TRPM1: variants seen among roughly 807,000 people sequenced by gnomAD.
TRPM1 encodes the protein TRPM1-203 APA Isoform, Intron 10.
In TRPM1, 113 loss-of-function variants were observed where a neutral mutation model predicts 149.4. The observed-to-expected ratio is 0.76, with a 90% CI of 0.65 to 0.88. TRPM1 has a LOEUF of 0.88. Among genes scored for constraint, TRPM1 ranks in the 40% least tolerant of loss-of-function variants. TRPM1 has a pLI of 0.00. For missense variants in TRPM1, 1,976 were observed against 2,038.7 expected, an observed-to-expected ratio of 0.97 and a Z score of 0.59; for synonymous variants, 741 against 759.5, an observed-to-expected ratio of 0.98 and a Z score of 0.40.
intron 1 of TRPM1, among the ~76,000 whole-genome samples, chr15:31,153,786 G>A (rs964759277): frequency 3.9e-5 from 6 of 152,210 alleles, no homozygotes; most frequent in African/African-American, 1.4e-4. Flanking sequence ...GAGCTCCTGA[G>A]CCTGTGTCAC....
chr15:31,066,264 C>T lies in TRPM1; in HGVS notation c.619-17G>A, dbSNP rs764833755. On this transcript the variant is annotated splice_polypyrimidine_tract_variant and intron_variant, in intron 6 of 27. Coordinates refer to ENST00000256552, the MANE Select transcript of TRPM1 (RefSeq NM_001252024.2). Reference sequence around the variant, plus strand: ...TCTTGTTACCTGACAAAGTGCACAGCGCAAATCAGACCTGCAGGACTTGGA... The same window carrying T: ...TCTTGTTACCTGACAAAGTGCACAGTGCAAATCAGACCTGCAGGACTTGGA... The T allele has an allele frequency of 4.3e-6, 7 of 1,613,956 alleles. No individual in the cohort carries two copies. The highest frequency in any genetic ancestry group is 2.7e-5 in the African/African-American group (2 of 74,908).
At chr15:31,008,288 C>T (rs2032065911) in intron 27 of TRPM1, among the ~76,000 whole-genome samples, 1 of 152,170 alleles carries the variant, frequency 6.6e-6, no homozygotes, top group African/African-American at 2.4e-5. Context: ...AGAAAGCAGT[C>T]TGTCTTTCAC....
At chr15:31,011,743 C>T (rs1035493032) in intron 27 of TRPM1, among the ~76,000 whole-genome samples, 1 of 151,238 alleles carries the variant, frequency 6.6e-6, no homozygotes, top group African/African-American at 2.4e-5. Flanking sequence ...CAGCTCACTG[C>T]AACCTCTGCC....
intron 18 of TRPM1, among the ~76,000 whole-genome samples, chr15:31,038,991 C>CTTTT (rs1175210129): frequency 3.0e-5 from 4 of 131,468 alleles, no homozygotes; most frequent in African/African-American, 5.6e-5. Context: ...CATGCTTCCC[C>CTTTT]TTTTTTTTTT....
At chr15:31,125,114 G>T (rs1047335342) in intron 1 of TRPM1, among the ~76,000 whole-genome samples, 8 of 152,088 alleles carry the variant, frequency 5.3e-5, no homozygotes, top group African/African-American at 1.9e-4. Context: ...GGCGGAGGAG[G>T]TTGCAGTGAA....
intron 1 of TRPM1, among the ~76,000 whole-genome samples, chr15:31,155,344 C>T (rs1437758669): frequency 6.6e-6 from 1 of 152,164 alleles, no homozygotes; most frequent in Non-Finnish European, 1.5e-5. Context: ...GTGAAGGAGG[C>T]TCCTGCCTGC....
At chr15:31,035,751 A>G (rs1235874589) in intron 20 of TRPM1, 77 bp from the exon 21 acceptor site, 11 of 1,596,374 alleles carry the variant, frequency 6.9e-6, no homozygotes, top group Non-Finnish European at 9.4e-6. Context: ...GTTTTCTTTC[A>G]GGTTGACACA....
chr15:31,114,226 G>A (rs1286452401), intron 1 of TRPM1, among the ~76,000 whole-genome samples: 1 of 152,164 alleles, frequency 6.6e-6, no homozygotes, highest in African/African-American at 2.4e-5. Flanking sequence ...GTGTCCAAGT[G>A]TTCTCATCAT....
intron 2 of TRPM1, among the ~76,000 whole-genome samples, chr15:31,080,183 T>C (rs1311471720): frequency 1.3e-5 from 2 of 152,192 alleles, no homozygotes; most frequent in Non-Finnish European, 2.9e-5. Flanking sequence ...ACAATCACCA[T>C]TTGGCAACCA....
intron 27 of TRPM1, among the ~76,000 whole-genome samples, chr15:31,020,840 G>A (rs946363264): frequency 2.3e-4 from 35 of 152,168 alleles, no homozygotes; most frequent in Admixed American, 9.2e-4. Flanking sequence ...GGCTTAGCGC[G>A]CAGGCTAAAC....
chr15:31,144,220 A>G (rs1388199450), intron 1 of TRPM1, among the ~76,000 whole-genome samples: 4 of 152,138 alleles, frequency 2.6e-5, no homozygotes, highest in Non-Finnish European at 5.9e-5. Flanking sequence ...TGAGCCAATC[A>G]CTTGAACCCA....
chr15:31,044,694 T>C (rs2033714709), intron 16 of TRPM1, among the ~76,000 whole-genome samples: 1 of 150,618 alleles, frequency 6.6e-6, no homozygotes, highest in Non-Finnish European at 1.5e-5. Context: ...GACAGGAGAA[T>C]TGCTTGAACC....
intron 27 of TRPM1, among the ~76,000 whole-genome samples, chr15:31,010,283 G>A (rs879334757): frequency 2.0e-5 from 3 of 152,198 alleles, no homozygotes; most frequent in Non-Finnish European, 4.4e-5. Context: ...AGTCTTTGTA[G>A]TGCTATTGAG....
chr15:31,067,040 A>G (rs1282235947), intron 6 of TRPM1, 23 bp downstream of exon 6: 2 of 1,614,058 alleles, frequency 1.2e-6, no homozygotes, highest in Non-Finnish European at 1.7e-6. Flanking sequence ...AAAACTGCCA[A>G]CATTTGCAGA....
At chr15:31,010,599 ATTAAT>A (rs1286193704) in intron 27 of TRPM1, among the ~76,000 whole-genome samples, 1 of 152,162 alleles carries the variant, frequency 6.6e-6, no homozygotes, top group African/African-American at 2.4e-5. Flanking sequence ...TTCATTTGTT[ATTAAT>A]TTATCATTTT....
At chr15:31,035,952 A>G in intron 20 of TRPM1, 1 of 503,630 alleles carries the variant, frequency 2.0e-6, no homozygotes, top group Middle Eastern at 5.5e-4. Context: ...TGGGGAAACT[A>G]TGAAGTTGCA....
At chr15:31,125,984 T>C (rs1246718301) in intron 1 of TRPM1, among the ~76,000 whole-genome samples, 1 of 150,778 alleles carries the variant, frequency 6.6e-6, no homozygotes, top group African/African-American at 2.4e-5. Flanking sequence ...TACAAAAAAA[T>C]AGCCGGGCAT....
At position 31,037,755 on chromosome 15, in the gene TRPM1, A is replaced by G. The variant is rs764741519; in HGVS notation, c.2527T>C (p.Cys843Arg). 7 of 1,614,242 alleles carry G rather than the reference A, an allele frequency of 4.3e-6. No homozygotes were observed. In the Admixed American group the frequency reaches 1.2e-4, roughly 27 times the overall value. ...QRSIPIGTKI[C>R]EFYNAPIVKF... ...ACAATGGGCGCGTTATAGAATTCAC[A>G]GATCTTTGTTCCGATGGGAATACTT... is the stretch of plus-strand genomic sequence containing the variant. Residue 843 changes from cysteine (C) to arginine (R), a missense_variant, in exon 20 of 28, where the codon TGT (cysteine) becomes CGT (arginine). Physicochemically the swap from Cys to Arg is radical, Grantham distance 180. Transcript: ENST00000256552.
intron 1 of TRPM1, among the ~76,000 whole-genome samples, chr15:31,093,414 A>G (rs539911937): frequency 2.4e-4 from 37 of 152,326 alleles, no homozygotes; most frequent in African/African-American, 7.9e-4. Context: ...AAACAATTCA[A>G]TTTATAATAA....
Sources: gnomAD v4.1 joint callset for allele counts (sites outside exome capture counted in the v4.1 genomes callset) on GRCh38, gnomAD v4.1.1 for gene constraint, MANE v1.5 for transcripts, NCBI Gene and HGNC (gene_info 2026-07-23, HGNC 2026-07-21) for gene names.